SPMIP4: variants seen among roughly 807,000 people sequenced by gnomAD.
SPMIP4 encodes the protein sperm-associated microtubule inner protein 4.
the SPMIP4 span, among the ~76,000 whole-genome samples, chr7:25,150,762 TTC>T: frequency 1.3e-5 from 2 of 152,204 alleles, no homozygotes; most frequent in African/African-American, 4.8e-5. Context: ...TAGTCACAAA[TTC>T]TGAGTCACAG....
At chr7:25,133,556 A>T in the SPMIP4 span, among the ~76,000 whole-genome samples, 1 of 152,236 alleles carries the variant, frequency 6.6e-6, no homozygotes, top group Admixed American at 6.5e-5. Context: ...TGTGTAATTT[A>T]ACTGCTGTGT....
the SPMIP4 span, among the ~76,000 whole-genome samples, chr7:25,164,065 C>T: frequency 6.6e-6 from 1 of 152,188 alleles, no homozygotes; most frequent in East Asian, 1.9e-4. Context: ...TAAGTGTTGT[C>T]CTAAAGAGTG....
the SPMIP4 span, among the ~76,000 whole-genome samples, chr7:25,154,266 T>A: frequency 2.6e-5 from 4 of 152,234 alleles, no homozygotes. Context: ...GATAGGACAA[T>A]TCTTGAGTCT....
chr7:25,155,138 G>C, the SPMIP4 span: 1 of 1,610,906 alleles, frequency 6.2e-7, no homozygotes, highest in African/African-American at 1.3e-5. Context: ...ACATGGCGCC[G>C]CGACAGATGT....
At chr7:25,168,375 G>C in the SPMIP4 span, 1 of 1,613,080 alleles carries the variant, frequency 6.2e-7, no homozygotes, top group South Asian at 1.1e-5. Flanking sequence ...TGTGGTCCTC[G>C]GGGAGTGAAA....
chr7:25,155,020 T>C, the SPMIP4 span: 2 of 1,613,306 alleles, frequency 1.2e-6, no homozygotes, highest in Non-Finnish European at 1.7e-6. Context: ...CCTCTTGTCT[T>C]CAAAACTGTT....
the SPMIP4 span, among the ~76,000 whole-genome samples, chr7:25,137,319 T>A: frequency 1.4e-5 from 2 of 138,662 alleles, no homozygotes; most frequent in African/African-American, 2.6e-5. Context: ...TTTTTTTTTT[T>A]ATTTTTTCTT....
chr7:25,174,579 T>C, the SPMIP4 span, among the ~76,000 whole-genome samples: 3 of 152,214 alleles, frequency 2.0e-5, no homozygotes, highest in Admixed American at 6.5e-5. The surrounding 1 kb of genome is among the most constrained non-coding windows in gnomAD (Gnocchi z 4.5). Flanking sequence ...AGATAACTAT[T>C]ATTTAAAAAA....
the SPMIP4 span, among the ~76,000 whole-genome samples, chr7:25,174,309 T>C: frequency 6.7e-6 from 1 of 149,436 alleles, no homozygotes; most frequent in Non-Finnish European, 1.5e-5. This position sits in a 1 kb window ranked among gnomAD's most constrained non-coding sequence, Gnocchi z 4.5. Context: ...AGCCCAGTAG[T>C]TCTCAATGTA....
At chr7:25,155,003 C>T in the SPMIP4 span, 1 of 1,607,152 alleles carries the variant, frequency 6.2e-7, no homozygotes, top group South Asian at 1.1e-5. Flanking sequence ...TTCCAGGTCA[C>T]ATTTTACCTC....
the SPMIP4 span, among the ~76,000 whole-genome samples, chr7:25,150,660 A>G: frequency 2.0e-5 from 3 of 152,222 alleles, no homozygotes; most frequent in Non-Finnish European, 4.4e-5. Context: ...CTCTTGATTT[A>G]TAATTTTCTC....
At chr7:25,135,424 C>T in the SPMIP4 span, 1 of 985,494 alleles carries the variant, frequency 1.0e-6, no homozygotes, top group Middle Eastern at 5.2e-4. Context: ...CATAAAGGAA[C>T]AGAGTCCACA....
chr7:25,136,883 G>T, the SPMIP4 span: 1 of 1,261,550 alleles, frequency 7.9e-7, no homozygotes. The surrounding 1 kb of genome is among the most constrained non-coding windows in gnomAD (Gnocchi z 5.7). Context: ...TTCATTGTCT[G>T]AGTACACGAG....
the SPMIP4 span, among the ~76,000 whole-genome samples, chr7:25,148,340 GA>G: frequency 0.014 from 2,083 of 152,288 alleles, 43 homozygotes; most frequent in African/African-American, 0.046. Flanking sequence ...TTAGGAGGCT[GA>G]AGCAGGAGGA....
the SPMIP4 span, among the ~76,000 whole-genome samples, chr7:25,174,485 A>G: frequency 6.6e-6 from 1 of 152,324 alleles, no homozygotes; most frequent in East Asian, 1.9e-4. This position sits in a 1 kb window ranked among gnomAD's most constrained non-coding sequence, Gnocchi z 4.5. Flanking sequence ...ATCAAACCCC[A>G]AATTCAGTAA....
At chr7:25,134,810 G>T in the SPMIP4 span, 1 of 985,308 alleles carries the variant, frequency 1.0e-6, no homozygotes, top group Non-Finnish European at 1.2e-6. Flanking sequence ...ACTCCCAATT[G>T]CATTACATAT....
the SPMIP4 span, chr7:25,136,831 A>G: frequency 6.3e-7 from 1 of 1,579,662 alleles, no homozygotes; most frequent in East Asian, 2.2e-5. The surrounding 1 kb of genome is among the most constrained non-coding windows in gnomAD (Gnocchi z 5.7). Context: ...AAAATTGATC[A>G]GGGATATTGC....
At chr7:25,175,588 A>G in the SPMIP4 span, among the ~76,000 whole-genome samples, 1 of 152,166 alleles carries the variant, frequency 6.6e-6, no homozygotes, top group African/African-American at 2.4e-5. Flanking sequence ...ATACATCATG[A>G]TATTGAAAAA....
chr7:25,172,508 T>C, the SPMIP4 span, among the ~76,000 whole-genome samples: 2 of 152,348 alleles, frequency 1.3e-5, no homozygotes, highest in African/African-American at 4.8e-5. This position sits in a 1 kb window ranked among gnomAD's most constrained non-coding sequence, Gnocchi z 4.2. Context: ...CTCTCCTTCC[T>C]GATCCCCAAC....
Sources: gnomAD v4.1 joint callset for allele counts (sites outside exome capture counted in the v4.1 genomes callset) on GRCh38, gnomAD v4.1.1 for gene constraint, Gnocchi (gnomAD v3.1) non-coding constraint, MANE v1.5 for transcripts, NCBI Gene and HGNC (gene_info 2026-07-23, HGNC 2026-07-21) for gene names.